KCNIP4: variants seen among roughly 807,000 people sequenced by gnomAD.
KCNIP4 encodes the protein Kv channel-interacting protein 4.
A neutral mutation model predicts 34.0 loss-of-function variants in KCNIP4; 12 were observed. That is an observed-to-expected ratio of 0.35 (90% CI 0.23 to 0.57). The LOEUF is 0.57. Ranked by LOEUF, KCNIP4 falls within the 20% of genes least tolerant of loss-of-function variation. The pLI is 0.83. For missense variants in KCNIP4, 238 were observed against 311.7 expected, an observed-to-expected ratio of 0.76 and a Z score of 1.78; for synonymous variants, 124 against 102.2, an observed-to-expected ratio of 1.21 and a Z score of -1.29.
Position 21,470,416 on chromosome 4 carries a change from C to G in KCNIP4, c.61+478155G>C, listed in dbSNP as rs556430547. ...TTGAGCCTCTTCTTTGAACTAAGTA[C>G]TTTAACTTGTTCACAATAATCTTGT... On this transcript the variant is annotated intron_variant, in intron 1 of 8. Coordinates refer to ENST00000382152, the MANE Select transcript of KCNIP4 (RefSeq NM_025221.6). Among the ~76,000 whole-genome samples the G allele has an allele frequency of 3.2e-4, 38 of 118,672 alleles. No homozygotes were observed. In the Middle Eastern group the frequency reaches 0.014, roughly 45 times the overall value. The allele number at this position is 118,672 out of a possible 152,430, so 77.9% of individuals were successfully genotyped here. A position where few individuals can be genotyped will look rare whatever the true frequency, so the allele number is the denominator to read the frequency against.
intron 1 of KCNIP4, among the ~76,000 whole-genome samples, chr4:21,440,943 G>A (rs1302176804): frequency 6.6e-6 from 1 of 151,892 alleles, no homozygotes; most frequent in Non-Finnish European, 1.5e-5. Context: ...TTTTTTCCAA[G>A]ACCTTGAAGG....
At chr4:21,069,227 GT>G (rs1349732197) in intron 1 of KCNIP4, among the ~76,000 whole-genome samples, 66 of 147,392 alleles carry the variant, frequency 4.5e-4, no homozygotes, top group African/African-American at 1.3e-3. Context: ...AATTCTCTAA[GT>G]TTTTTTTTTT....
At chr4:20,904,511 TA>T (rs1308827241) in intron 1 of KCNIP4, among the ~76,000 whole-genome samples, 1 of 151,978 alleles carries the variant, frequency 6.6e-6, no homozygotes, top group Non-Finnish European at 1.5e-5. Flanking sequence ...TCTCTCTTTT[TA>T]AAAAGATGGG....
rs2149647954 is a variant in KCNIP4, at chr4:20,954,897, G to C, written c.62-72188C>G. 1.3e-5 allele frequency among the ~76,000 whole-genome samples: 2 copies of C among 152,268 alleles called. 1 individual carries two copies. The highest frequency in any genetic ancestry group is 4.1e-4 in the South Asian group (2 of 4,822). On this transcript the variant is annotated intron_variant, in intron 1 of 8. Coordinates refer to ENST00000382152, the MANE Select transcript of KCNIP4 (RefSeq NM_025221.6). ...CTCTTCGATTTCTGGGAAATGATCT[G>C]AATTGACTCATCTTTTTCAACCTCC... is the stretch of plus-strand genomic sequence containing the variant.
At chr4:21,351,941 A>T (rs1028707895) in intron 1 of KCNIP4, among the ~76,000 whole-genome samples, 1 of 152,116 alleles carries the variant, frequency 6.6e-6, no homozygotes, top group East Asian at 1.9e-4. Context: ...AATGATAGTG[A>T]TTTTCATTTT....
chr4:21,485,273 T>C (rs1731805802), intron 1 of KCNIP4, among the ~76,000 whole-genome samples: 1 of 152,192 alleles, frequency 6.6e-6, no homozygotes, highest in Admixed American at 6.5e-5. Context: ...TATTAAATGC[T>C]AACACTTCTC....
At chr4:21,490,565 T>G (rs1282488362) in intron 1 of KCNIP4, among the ~76,000 whole-genome samples, 1 of 152,196 alleles carries the variant, frequency 6.6e-6, no homozygotes, top group East Asian at 1.9e-4. Flanking sequence ...ATTAGAAATA[T>G]GAACTCATTT....
chr4:21,286,428 A>AAAT (rs771076340), intron 1 of KCNIP4, among the ~76,000 whole-genome samples: 7 of 152,198 alleles, frequency 4.6e-5, no homozygotes, highest in Non-Finnish European at 5.9e-5. Flanking sequence ...GCAAATGGGG[A>AAAT]AATAAGGTAT....
At chr4:21,323,214 A>T (rs374708094) in intron 1 of KCNIP4, among the ~76,000 whole-genome samples, 23 of 150,430 alleles carry the variant, frequency 1.5e-4, no homozygotes, top group African/African-American at 5.6e-4. Context: ...GTGGTGTGTA[A>T]TAATCAAATG....
At chr4:20,825,048 A>G (rs1315627105) in intron 3 of KCNIP4, among the ~76,000 whole-genome samples, 7 of 152,132 alleles carry the variant, frequency 4.6e-5, no homozygotes, top group African/African-American at 1.4e-4. Flanking sequence ...TCTTTACAGC[A>G]TGTTGAACCC....
chr4:20,767,564 C>A (rs546252590), intron 3 of KCNIP4, among the ~76,000 whole-genome samples: 1 of 152,294 alleles, frequency 6.6e-6, no homozygotes, highest in East Asian at 1.9e-4. Context: ...AACCTTTCAG[C>A]ATTTCCTGGA....
intron 1 of KCNIP4, among the ~76,000 whole-genome samples, chr4:21,358,057 A>AT (rs1284018647): frequency 1.3e-5 from 2 of 152,122 alleles, no homozygotes; most frequent in Non-Finnish European, 2.9e-5. Context: ...TTCTCAGCAA[A>AT]TTATCACAAG....
At chr4:21,932,258 T>A (rs1210662954) in intron 1 of KCNIP4, among the ~76,000 whole-genome samples, 1 of 152,024 alleles carries the variant, frequency 6.6e-6, no homozygotes, top group African/African-American at 2.4e-5. Flanking sequence ...AGTGAAACAG[T>A]GAGAAACTCG....
chr4:21,377,087 G>C (rs1264662701), intron 1 of KCNIP4, among the ~76,000 whole-genome samples: 6 of 152,014 alleles, frequency 3.9e-5, no homozygotes, highest in Non-Finnish European at 8.8e-5. Context: ...TGTCTTCTCT[G>C]AATATGCAGG....
rs1741932264 is a variant in KCNIP4 at position 21,041,235 on chromosome 4, C to T, written c.62-158526G>A. The stretch of plus-strand genomic sequence containing the variant: ...CTCAGTGAATGATATATATTTCACA[C>T]ACACACACACACACACACACACACA... On this transcript the variant is annotated intron_variant, in intron 1 of 8. Transcript: ENST00000382152. 2.2e-5 allele frequency among the ~76,000 whole-genome samples: 3 copies of T among 138,154 alleles called. No individual in the cohort carries two copies. The South Asian group carries it at 6.6e-4, about 30-fold the overall frequency. 90.6% of individuals were successfully genotyped at this position (138,154 alleles called of 152,430 possible).
In KCNIP4 at chr4:21,629,452, C is replaced by A. The variant is rs1035245173; in HGVS notation, c.61+319119G>T. On this transcript the variant is annotated intron_variant, in intron 1 of 8. Transcript: ENST00000382152. The stretch of plus-strand genomic sequence containing the variant: ...ACAAGAAGGCTGTCAGCTGTAGGCG[C>A]TTTCATGTGAAATGCCCCTATTTGA... Among the ~76,000 whole-genome samples, 5 of 152,290 alleles carry A rather than the reference C, an allele frequency of 3.3e-5. No homozygotes were observed. In the South Asian group the frequency reaches 1.0e-3, roughly 32 times the overall value.
intron 1 of KCNIP4, among the ~76,000 whole-genome samples, chr4:21,329,069 T>C (rs957914865): frequency 1.3e-5 from 2 of 152,366 alleles, no homozygotes; most frequent in Non-Finnish European, 1.5e-5. Context: ...CACAAGTATA[T>C]ACTAGGCTTC....
chr4:20,966,502 A>C (rs1360711953), intron 1 of KCNIP4, among the ~76,000 whole-genome samples: 1 of 152,186 alleles, frequency 6.6e-6, no homozygotes, highest in Non-Finnish European at 1.5e-5. Flanking sequence ...ACTAGCATAG[A>C]AAAAACTTGA....
At chr4:21,350,248 A>G (rs1244694140) in intron 1 of KCNIP4, among the ~76,000 whole-genome samples, 1 of 152,158 alleles carries the variant, frequency 6.6e-6, no homozygotes. Flanking sequence ...ATGCTCTATC[A>G]TTCAGCAACG....
Sources: gnomAD v4.1 joint callset for allele counts (sites outside exome capture counted in the v4.1 genomes callset) on GRCh38, gnomAD v4.1.1 for gene constraint, MANE v1.5 for transcripts, NCBI Gene and HGNC (gene_info 2026-07-23, HGNC 2026-07-21) for gene names.